The following CNBD1 variants were observed in gnomAD, a reference collection of about 807,000 sequenced individuals.
CNBD1 encodes cyclic nucleotide-binding domain-containing protein 1.
CNBD1 carries 71 observed loss-of-function variants against 54.4 expected under a neutral mutation model. The ratio of observed to expected loss-of-function variants is 1.30; its 90% CI spans 1.08 to 1.59. The LOEUF (loss-of-function observed/expected upper bound fraction) is 1.59, where lower values mean the gene tolerates loss of function less well. CNBD1 is among the 40% of genes most tolerant of loss of function. CNBD1 has a pLI of 0.00. For missense variants in CNBD1, 659 were observed against 518.0 expected, an observed-to-expected ratio of 1.27 and a Z score of -2.64; for synonymous variants, 182 against 170.7, an observed-to-expected ratio of 1.07 and a Z score of -0.51.
chr8:87,316,120 G>A (rs903205517), intron 8 of CNBD1, among the ~76,000 whole-genome samples: 2 of 151,928 alleles, frequency 1.3e-5, no homozygotes, highest in African/African-American at 2.4e-5. Context: ...TAAAAAATTA[G>A]TATTCTACAT....
downstream of CNBD1, among the ~76,000 whole-genome samples, chr8:87,386,018 G>A (rs558939261): frequency 1.3e-5 from 2 of 152,108 alleles, no homozygotes; most frequent in Non-Finnish European, 2.9e-5. Flanking sequence ...GTCTGGAGTG[G>A]ACCTCCAGCA....
At chr8:87,412,736 C>T (rs773007453) in intron 2 of CNBD1, among the ~76,000 whole-genome samples, 1 of 151,968 alleles carries the variant, frequency 6.6e-6, no homozygotes, top group Non-Finnish European at 1.5e-5. Context: ...GCCTCTGTGA[C>T]ATGTACTTTT....
intron 1 of CNBD1, among the ~76,000 whole-genome samples, chr8:86,874,986 TTATATATATATATATATATA>T (rs10584669): frequency 8.3e-5 from 10 of 120,120 alleles, no homozygotes; most frequent in Admixed American, 2.5e-4. Context: ...GTAAATCAAT[TTATATATATATATATATATA>T]TATATATATA....
intron 8 of CNBD1, among the ~76,000 whole-genome samples, chr8:87,317,074 T>A (rs1809401824): frequency 6.6e-6 from 1 of 151,824 alleles, no homozygotes. Flanking sequence ...CTCAGAGGGT[T>A]GTTATAAGAA....
intron 4 of CNBD1, among the ~76,000 whole-genome samples, chr8:87,099,048 A>C (rs191800745): frequency 0.048 from 7,117 of 149,396 alleles, 275 homozygotes; most frequent in Non-Finnish European, 0.074. Flanking sequence ...AAAAAAAAAA[A>C]AAAAAAAAAA....
In CNBD1 at chr8:87,363,968, GTT is replaced by G. The variant is rs34647090; in HGVS notation, c.1303+10194_1303+10195del. On this transcript the variant is annotated intron_variant, in intron 10 of 10. Coordinates refer to ENST00000518476, the MANE Select transcript of CNBD1 (RefSeq NM_173538.3). ...GAATGGTATTGCCTAGGAAATTTTG[GTT>G]TTTTTTTTTTTAAACGAATGAAAAA... Among the ~76,000 whole-genome samples, 575 of 144,720 alleles carry G rather than the reference GTT, an allele frequency of 4.0e-3. 5 individuals are homozygous for G. The highest frequency in any genetic ancestry group is 0.013 in the African/African-American group (520 of 39,738). 94.9% of individuals were successfully genotyped at this position (144,720 alleles called of 152,430 possible).
intron 6 of CNBD1, among the ~76,000 whole-genome samples, chr8:87,246,895 C>T (rs1174299930): frequency 6.6e-6 from 1 of 151,968 alleles, no homozygotes; most frequent in Admixed American, 6.6e-5. Context: ...TTATACAACT[C>T]ATCATAATGT....
chr8:87,365,826 G>A (rs1810630920), intron 10 of CNBD1, among the ~76,000 whole-genome samples: 1 of 151,944 alleles, frequency 6.6e-6, no homozygotes, highest in South Asian at 2.1e-4. Context: ...CTGGTTTATT[G>A]AATAATTACA....
intron 2 of CNBD1, among the ~76,000 whole-genome samples, chr8:87,415,779 T>C (rs1164133099): frequency 1.3e-5 from 2 of 151,704 alleles, no homozygotes; most frequent in East Asian, 3.9e-4. Flanking sequence ...TAAAAAGCTG[T>C]AAAAAGCTAT....
chr8:87,268,456 G>T (rs1010482735), intron 6 of CNBD1, among the ~76,000 whole-genome samples: 1 of 151,920 alleles, frequency 6.6e-6, no homozygotes, highest in Non-Finnish European at 1.5e-5. Context: ...ATTTTCCTTT[G>T]GGTATATACC....
chr8:87,395,413 T>A (rs1586076901), intron 2 of CNBD1, among the ~76,000 whole-genome samples: 1 of 151,948 alleles, frequency 6.6e-6, no homozygotes, highest in Non-Finnish European at 1.5e-5. Flanking sequence ...ATATGTTATA[T>A]AATATATTGA....
At chr8:87,191,692 G>A (rs576838706) in intron 4 of CNBD1, among the ~76,000 whole-genome samples, 1 of 152,262 alleles carries the variant, frequency 6.6e-6, no homozygotes, top group East Asian at 1.9e-4. Context: ...CTTAGTCATT[G>A]CTGTATGTGC....
chr8:87,288,792 A>G (rs1808738233), intron 8 of CNBD1, among the ~76,000 whole-genome samples: 1 of 152,106 alleles, frequency 6.6e-6, no homozygotes, highest in African/African-American at 2.4e-5. Flanking sequence ...CTATTCCCAA[A>G]CATATAAATG....
chr8:87,329,770 A>T (rs1409347192), intron 8 of CNBD1, among the ~76,000 whole-genome samples: 1 of 151,986 alleles, frequency 6.6e-6, no homozygotes, highest in Non-Finnish European at 1.5e-5. Flanking sequence ...CTTATATATT[A>T]TCCCTTATTA....
chr8:87,243,484 C>A (rs561567658), intron 6 of CNBD1, among the ~76,000 whole-genome samples: 1 of 152,104 alleles, frequency 6.6e-6, no homozygotes, highest in East Asian at 1.9e-4. Flanking sequence ...CTTCTGAGTA[C>A]GCCATTCCCT....
In CNBD1 at chr8:87,400,056, G is replaced by A. The variant is rs151085626; in HGVS notation, c.214-28490G>A. ...CAGATAATCAGTGGTCACGGCACCAGCAATATCACATTCCATAGGTTCTTC... is the reference window on the plus strand; with the variant it reads ...CAGATAATCAGTGGTCACGGCACCAACAATATCACATTCCATAGGTTCTTC... On this transcript the variant is annotated intron_variant, in intron 2 of 7. Coordinates refer to the CNBD1 transcript ENST00000521593. 3.0e-3 allele frequency among the ~76,000 whole-genome samples: 457 copies of A among 151,996 alleles called. 5 individuals are homozygous for A. The highest frequency in any genetic ancestry group is 9.9e-3 in the African/African-American group (410 of 41,514).
chr8:87,157,231 A>C (rs975751170), intron 4 of CNBD1, among the ~76,000 whole-genome samples: 2 of 152,222 alleles, frequency 1.3e-5, no homozygotes, highest in African/African-American at 4.8e-5. Flanking sequence ...ACTTTCTTTT[A>C]TAATCTACTT....
chr8:87,013,625 G>GT (rs893434546), intron 4 of CNBD1, among the ~76,000 whole-genome samples: 1 of 141,798 alleles, frequency 7.1e-6, no homozygotes, highest in Admixed American at 6.9e-5. Flanking sequence ...GTTTTGTTTT[G>GT]TTTTTTGTTT....
chr8:87,276,963 T>C (rs1808494158), intron 6 of CNBD1, among the ~76,000 whole-genome samples: 1 of 143,678 alleles, frequency 7.0e-6, no homozygotes, highest in Non-Finnish European at 1.5e-5. Flanking sequence ...CCAGAGAAAA[T>C]GGAGCTTGAA....
Sources: gnomAD v4.1 joint callset for allele counts (sites outside exome capture counted in the v4.1 genomes callset) on GRCh38, gnomAD v4.1.1 for gene constraint, MANE v1.5 for transcripts, NCBI Gene and HGNC (gene_info 2026-07-23, HGNC 2026-07-21) for gene names.